Variants in MORC3 observed in about 807,000 individuals in gnomAD.
MORC3 encodes MORC family CW-type zinc finger 3, also known as MORC family CW-type zinc finger protein 3.
Under a neutral mutation model 109.1 loss-of-function variants are expected in MORC3, and 31 were observed. That is an observed-to-expected ratio of 0.28 (90% CI 0.21 to 0.38). MORC3 has a LOEUF of 0.38. Ranked by LOEUF, MORC3 falls within the 10% of genes least tolerant of loss-of-function variation. The probability of loss-of-function intolerance (pLI) is 1.00; values close to 1 mark genes in which losing one functional copy is unlikely to be tolerated. For synonymous variants in MORC3, 395 were observed against 380.7 expected, an observed-to-expected ratio of 1.04 and a Z score of -0.44; for missense variants, 867 against 1,135.8, an observed-to-expected ratio of 0.76 and a Z score of 3.40.
At chr21:36,340,479 T>A (rs1175895387) in intron 5 of MORC3, among the ~76,000 whole-genome samples, 3 of 152,070 alleles carry the variant, frequency 2.0e-5, no homozygotes, top group African/African-American at 4.8e-5. Flanking sequence ...TTCTATAATT[T>A]TGCCATTTTA....
At chr21:36,342,027 ACCAG>A (rs2085453659) in intron 6 of MORC3, among the ~76,000 whole-genome samples, 1 of 152,112 alleles carries the variant, frequency 6.6e-6, no homozygotes, top group Non-Finnish European at 1.5e-5. Flanking sequence ...GGAGTTCAAG[ACCAG>A]CCTGGCCAAG....
chr21:36,351,207 A>G (rs2085568397), intron 9 of MORC3, among the ~76,000 whole-genome samples: 1 of 151,970 alleles, frequency 6.6e-6, no homozygotes, highest in Middle Eastern at 3.4e-3. Flanking sequence ...AGCTGGGACT[A>G]CAGGCATGCA....
chr21:36,367,099 C>T (rs2146337936), intron 14 of MORC3, among the ~76,000 whole-genome samples: 1 of 152,304 alleles, frequency 6.6e-6, no homozygotes, highest in Middle Eastern at 3.4e-3. Context: ...TTCCAACCTG[C>T]AAAGTCTGGT....
chr21:36,344,434 G>A, intron 6 of MORC3, 145 bp from the exon 7 acceptor site: 1 of 971,030 alleles, frequency 1.0e-6, no homozygotes, highest in South Asian at 2.0e-5. Flanking sequence ...AACCAAATCA[G>A]AATAACATAC....
chr21:36,322,465 G>A (rs1384518861), intron 1 of MORC3, among the ~76,000 whole-genome samples: 4 of 152,062 alleles, frequency 2.6e-5, no homozygotes, highest in Admixed American at 2.0e-4. Context: ...TCCACCTCCC[G>A]GATTCAAGCA....
In MORC3 at chr21:36,353,755, A is replaced by ATTTTTTTTTTTTTTTTTT. The variant is rs1202729285; in HGVS notation, c.1104-2860_1104-2843dup. On this transcript the variant is annotated intron_variant, in intron 9 of 16. Coordinates refer to ENST00000400485, the MANE Select transcript of MORC3 (RefSeq NM_015358.3). ...GCCACCAAGCCCGGCTAATTTTTGT[A>ATTTTTTTTTTTTTTTTTT]TTTTTTTTTTTTTTTTTTTTTTAGT... Among the ~76,000 whole-genome samples, 177 of 70,946 alleles carry ATTTTTTTTTTTTTTTTTT rather than the reference A, an allele frequency of 2.5e-3. 28 individuals are homozygous for ATTTTTTTTTTTTTTTTTT. The highest frequency in any genetic ancestry group is 3.6e-3 in the African/African-American group (53 of 14,922). The allele number at this position is 70,946 out of a possible 152,430, so 46.5% of individuals were successfully genotyped here. A position where few individuals can be genotyped will look rare whatever the true frequency, so the allele number is the denominator to read the frequency against.
At chr21:36,361,537 T>A (rs2085715616) in intron 12 of MORC3, 1 of 52,314 alleles carries the variant, frequency 1.9e-5, no homozygotes. Context: ...TGAGACTCTG[T>A]CTCAAAAAAA....
At chr21:36,370,181 C>T (rs1335506072) in intron 15 of MORC3, among the ~76,000 whole-genome samples, 6 of 152,164 alleles carry the variant, frequency 3.9e-5, no homozygotes, top group Non-Finnish European at 7.3e-5. Context: ...ACATTCCAGC[C>T]TGGGCAACAG....
chr21:36,365,511 G>A (rs745941686), intron 14 of MORC3, among the ~76,000 whole-genome samples: 1 of 152,168 alleles, frequency 6.6e-6, no homozygotes, highest in South Asian at 2.1e-4. Context: ...CCCCAAGGAA[G>A]ATTATAAATA....
intron 1 of MORC3, among the ~76,000 whole-genome samples, chr21:36,327,155 CTTTT>C (rs71326674): frequency 1.1e-4 from 9 of 81,936 alleles, no homozygotes; most frequent in African/African-American, 3.9e-4. Context: ...GGCTTTATTT[CTTTT>C]TTTTTTTTTT....
chr21:36,349,044 C>T (rs575464401), intron 8 of MORC3, among the ~76,000 whole-genome samples: 3 of 151,818 alleles, frequency 2.0e-5, no homozygotes, highest in Admixed American at 1.3e-4. Context: ...TCCAGCTACT[C>T]GGGAGGCTGA....
At chr21:36,349,124 C>T (rs1407468832) in intron 8 of MORC3, among the ~76,000 whole-genome samples, 187 bp from the exon 9 acceptor site, 3 of 152,004 alleles carry the variant, frequency 2.0e-5, no homozygotes, top group Admixed American at 2.0e-4. Flanking sequence ...TGCCACTGCA[C>T]TCCAGCCTGG....
intron 9 of MORC3, among the ~76,000 whole-genome samples, chr21:36,354,272 G>A (rs1194975035): frequency 1.3e-5 from 2 of 149,770 alleles, no homozygotes; most frequent in Non-Finnish European, 3.0e-5. Context: ...TTTATACACT[G>A]TAATTTCTGT....
intron 1 of MORC3, 156 bp downstream of exon 1, chr21:36,320,459 G>C (rs556058109): frequency 0.012 from 7,614 of 648,442 alleles, 33 homozygotes; most frequent in Non-Finnish European, 0.014. Flanking sequence ...CGCTCCCGTC[G>C]GCGGAACAGC....
chr21:36,324,351 C>T (rs765475605), intron 1 of MORC3, among the ~76,000 whole-genome samples: 3 of 151,162 alleles, frequency 2.0e-5, no homozygotes, highest in Non-Finnish European at 4.4e-5. Flanking sequence ...GATCTCGGCT[C>T]ACTGCAAGCT....
At position 36,344,566 on chromosome 21, in the gene MORC3, T is replaced by C. The variant is rs779456946; in HGVS notation, c.757-13T>C. ...ACCTGTAGATACTAACTTCTTGTTA[T>C]GTTATTTTCCAGGCTTATTGCAGTA... On this transcript the variant is annotated splice_polypyrimidine_tract_variant and intron_variant, in intron 6 of 16. Transcript: ENST00000400485. The C allele has an allele frequency of 3.1e-6, 5 of 1,610,750 alleles. No homozygotes were observed. The Admixed American group carries it at 5.1e-5, about 16-fold the overall frequency.
At chr21:36,327,036 A>G (rs1207841167) in intron 1 of MORC3, among the ~76,000 whole-genome samples, 1 of 150,414 alleles carries the variant, frequency 6.6e-6, no homozygotes. Flanking sequence ...GCTGGTCTTG[A>G]ACTCTTGACC....
intron 8 of MORC3, among the ~76,000 whole-genome samples, chr21:36,348,898 G>C (rs1159344664): frequency 2.0e-5 from 3 of 152,114 alleles, no homozygotes; most frequent in African/African-American, 7.2e-5. Flanking sequence ...GGTGGCTCAT[G>C]CCTGTAATGC....
intron 1 of MORC3, among the ~76,000 whole-genome samples, chr21:36,331,668 CAG>C (rs1371356070): frequency 1.3e-5 from 2 of 152,052 alleles, no homozygotes; most frequent in African/African-American, 4.8e-5. Context: ...TACCACTACT[CAG>C]GAACTTAAGA....
Sources: allele counts gnomAD v4.1 joint callset (sites outside exome capture counted in the v4.1 genomes callset), GRCh38; gene constraint gnomAD v4.1.1; transcripts MANE v1.5; gene names NCBI Gene and HGNC (gene_info 2026-07-23, HGNC 2026-07-21).